The following RBPJ variants were observed in gnomAD, a reference collection of about 807,000 sequenced individuals.
RBPJ encodes the protein recombination signal binding protein for immunoglobulin kappa J region, also known as recombining binding protein suppressor of hairless.
RBPJ carries 9 observed loss-of-function variants against 67.8 expected under a neutral mutation model. The ratio of observed to expected loss-of-function variants is 0.13; its 90% CI spans 0.08 to 0.23. RBPJ has a LOEUF of 0.23. Among genes scored for constraint, RBPJ ranks in the 10% least tolerant of loss-of-function variants. The probability of loss-of-function intolerance (pLI) is 1.00; values close to 1 mark genes in which losing one functional copy is unlikely to be tolerated. For synonymous variants in RBPJ, 198 were observed against 203.3 expected (o/e 0.97, Z 0.22); for missense variants, 305 against 595.6 (o/e 0.51, Z 5.08).
chr4:26,109,489 T>TATATATATAC, the RBPJ span, among the ~76,000 whole-genome samples: 1 of 46,522 alleles, frequency 2.1e-5, no homozygotes, highest in Non-Finnish European at 4.0e-5. Context: ...TATATATATA[T>TATATATATAC]ATACACACAC....
chr4:26,157,081 A>G, the RBPJ span, among the ~76,000 whole-genome samples: 2 of 37,652 alleles, frequency 5.3e-5, no homozygotes, highest in African/African-American at 1.2e-4. Context: ...TGTGTCAAAA[A>G]CAAACAAACA....
intron 1 of RBPJ, among the ~76,000 whole-genome samples, chr4:26,282,829 T>C (rs1721320821): frequency 6.6e-6 from 1 of 151,768 alleles, no homozygotes; most frequent in African/African-American, 2.4e-5. Flanking sequence ...CGGAGCTTCA[T>C]GTATTTCATA....
intron 1 of RBPJ, among the ~76,000 whole-genome samples, chr4:26,250,061 C>T (rs1720056699): frequency 6.6e-6 from 1 of 151,990 alleles, no homozygotes; most frequent in East Asian, 1.9e-4. Context: ...GCTGGGATTA[C>T]AGGTGTGAGC....
intron 1 of RBPJ, among the ~76,000 whole-genome samples, chr4:26,342,265 C>CAAAAA (rs60781954): frequency 1.8e-5 from 2 of 114,118 alleles, no homozygotes; most frequent in Non-Finnish European, 3.5e-5. Context: ...CCTGGGTTAT[C>CAAAAA]AAAAAAAAAA....
intron 1 of RBPJ, among the ~76,000 whole-genome samples, chr4:26,226,902 T>C (rs145810208): frequency 7.3e-4 from 111 of 152,254 alleles, no homozygotes; most frequent in Non-Finnish European, 1.3e-3. Context: ...GATGAGTCCT[T>C]GGTAATGGGG....
chr4:26,148,634 A>G, the RBPJ span, among the ~76,000 whole-genome samples: 1 of 152,236 alleles, frequency 6.6e-6, no homozygotes, highest in Admixed American at 6.5e-5. Context: ...AATCCAAATG[A>G]AAGATAGACA....
chr4:26,285,617 A>C (rs1721437850), intron 1 of RBPJ, among the ~76,000 whole-genome samples: 2 of 148,094 alleles, frequency 1.4e-5, no homozygotes. Context: ...TCAACTCTAC[A>C]CCTCACACCA....
chr4:26,426,249 C>T (rs1301338003), intron 7 of RBPJ, among the ~76,000 whole-genome samples: 2 of 152,102 alleles, frequency 1.3e-5, no homozygotes. Flanking sequence ...GCTTGTACTG[C>T]AGAAGCACAA....
At chr4:26,114,478 CATATAT>C in the RBPJ span, among the ~76,000 whole-genome samples, 5 of 123,160 alleles carry the variant, frequency 4.1e-5, no homozygotes, top group African/African-American at 6.2e-5. Context: ...AAAGAATGTA[CATATAT>C]ATATATATAT....
intron 1 of RBPJ, among the ~76,000 whole-genome samples, chr4:26,263,024 C>A (rs537220117): frequency 1.3e-5 from 2 of 152,296 alleles, no homozygotes; most frequent in South Asian, 2.1e-4. Context: ...TTAACCACCA[C>A]CCCAGAATTC....
chr4:26,277,678 G>A (rs959477260), intron 1 of RBPJ, among the ~76,000 whole-genome samples: 3 of 152,216 alleles, frequency 2.0e-5, no homozygotes, highest in Admixed American at 1.3e-4. Flanking sequence ...AACTAAGATG[G>A]CAGTGATGGA....
At chr4:26,344,110 C>G (rs1359417865) in intron 1 of RBPJ, among the ~76,000 whole-genome samples, 1 of 152,112 alleles carries the variant, frequency 6.6e-6, no homozygotes, top group Admixed American at 6.5e-5. Context: ...TCTTGAACTC[C>G]TGGCATCAAG....
upstream of RBPJ, among the ~76,000 whole-genome samples, chr4:26,317,768 G>T (rs150468946): frequency 0.013 from 1,913 of 152,280 alleles, 29 homozygotes; most frequent in Non-Finnish European, 0.022. Context: ...GGACTCCAAG[G>T]TTCTTGACAT....
rs551079101 is a variant in RBPJ at position 26,219,991 on chromosome 4, G to A, written c.-167+56377G>A. 9.2e-5 allele frequency among the ~76,000 whole-genome samples: 14 copies of A among 151,590 alleles called. No individual in the cohort carries two copies. In the South Asian group the frequency reaches 2.7e-3, roughly 29 times the overall value. The stretch of plus-strand genomic sequence containing the variant: ...GTAGAGACGGGGTTTCACTATGTTA[G>A]CCAGGATGGTCTCTATCTGGTGACC... On this transcript the variant is annotated intron_variant, in intron 1 of 4. Transcript: ENST00000512351.
At chr4:26,144,436 A>G in the RBPJ span, among the ~76,000 whole-genome samples, 1 of 151,734 alleles carries the variant, frequency 6.6e-6, no homozygotes, top group Non-Finnish European at 1.5e-5. Context: ...TGCCCAGCTA[A>G]TTTTTGTATT....
At chr4:26,144,545 C>G in the RBPJ span, among the ~76,000 whole-genome samples, 1 of 152,284 alleles carries the variant, frequency 6.6e-6, no homozygotes, top group South Asian at 2.1e-4. Context: ...GCTAGGATTA[C>G]AGATGTGAGT....
intron 1 of RBPJ, among the ~76,000 whole-genome samples, chr4:26,204,933 C>T (rs547647692): frequency 1.1e-4 from 17 of 152,264 alleles, no homozygotes; most frequent in African/African-American, 3.4e-4. Context: ...CTGGAGACAC[C>T]GGTCAGAAAA....
intron 1 of RBPJ, among the ~76,000 whole-genome samples, chr4:26,184,352 C>T (rs1717145894): frequency 6.6e-6 from 1 of 151,958 alleles, no homozygotes; most frequent in African/African-American, 2.4e-5. Context: ...ACTGTAACAG[C>T]AAGCAGGGAT....
intron 1 of RBPJ, among the ~76,000 whole-genome samples, chr4:26,212,771 C>A (rs868507257): frequency 1.3e-5 from 2 of 152,214 alleles, no homozygotes. Context: ...CTGGGTTCCT[C>A]ACTTGGTCTT....
Sources: gnomAD v4.1 joint callset for allele counts (sites outside exome capture counted in the v4.1 genomes callset) on GRCh38, gnomAD v4.1.1 for gene constraint, MANE v1.5 for transcripts, NCBI Gene and HGNC (gene_info 2026-07-23, HGNC 2026-07-21) for gene names.